ALK: variants seen among roughly 807,000 people sequenced by gnomAD.
ALK encodes ALK tyrosine kinase receptor.
Under a neutral mutation model 163.1 loss-of-function variants are expected in ALK, and 74 were observed. The observed-to-expected ratio is 0.45, with a 90% CI of 0.38 to 0.55. The LOEUF is 0.55. ALK is among the 20% of genes least tolerant of loss of function. The probability of loss-of-function intolerance (pLI) is 0.00; values close to 1 mark genes in which losing one functional copy is unlikely to be tolerated. For synonymous variants in ALK, 960 were observed against 843.2 expected, an observed-to-expected ratio of 1.14 and a Z score of -2.40; for missense variants, 2,063 against 2,105.3, an observed-to-expected ratio of 0.98 and a Z score of 0.39.
chr2:29,863,240 C>T (rs1666341151), intron 1 of ALK, among the ~76,000 whole-genome samples: 1 of 152,010 alleles, frequency 6.6e-6, no homozygotes, highest in Admixed American at 6.6e-5. Context: ...AAAGCATGGG[C>T]AACAAAAGCA....
chr2:29,882,422 G>T (rs1309295719), intron 1 of ALK, among the ~76,000 whole-genome samples: 1 of 152,138 alleles, frequency 6.6e-6, no homozygotes, highest in African/African-American at 2.4e-5. Context: ...CAGGCTGGGC[G>T]CAGTGGCTCA....
intron 2 of ALK, among the ~76,000 whole-genome samples, chr2:29,712,218 C>A (rs1018093780): frequency 6.6e-6 from 1 of 152,206 alleles, no homozygotes; most frequent in South Asian, 2.1e-4. Context: ...TGACTGCCAG[C>A]ATTACTGTCC....
chr2:29,512,929 A>G lies in ALK; in HGVS notation c.1154+18986T>C, dbSNP rs9749914. On this transcript the variant is annotated intron_variant, in intron 4 of 28. Coordinates refer to ENST00000389048, the MANE Select transcript of ALK (RefSeq NM_004304.5). The stretch of plus-strand genomic sequence containing the variant: ...TCAAAGAGAATAAAAATACCTAGGA[A>G]TCCACCTTACAAGGGACGTGAAGGA... Among the ~76,000 whole-genome samples the G allele has an allele frequency of 4.3e-3, 641 of 150,698 alleles. 5 individuals carry two copies. Among genetic ancestry groups the G allele is most frequent in the African/African-American group, 0.015 (594 of 40,448 alleles).
rs535864522 is a variant in ALK, at chr2:29,196,820, C to T, written c.4114G>A (p.Asp1372Asn). The T allele has an allele frequency of 1.2e-6, 2 of 1,614,188 alleles. No homozygotes were observed. The highest frequency in any genetic ancestry group is 4.5e-5 in the East Asian group (2 of 44,888). ...MTQCWQHQPE[D>N]RPNFAIILER... Reference sequence around the variant, plus strand: ...AAAATGATGGCAAAGTTGGGCCTGTCTTCAGGCTGATGTTGCCAGCACTGA... The same window carrying T: ...AAAATGATGGCAAAGTTGGGCCTGTTTTCAGGCTGATGTTGCCAGCACTGA... The change falls in exon 28 of 29, where the codon GAC becomes AAC. Residue 1372 changes from aspartate to asparagine, a missense_variant. By Grantham distance (23) the Asp-to-Asn change is conservative. This residue lies in a region of ALK where 403 missense variants were observed against 366.2 expected (regional missense o/e 1.10). Transcript: ENST00000389048.
At chr2:29,424,100 C>G (rs1160616169) in intron 4 of ALK, among the ~76,000 whole-genome samples, 1 of 151,938 alleles carries the variant, frequency 6.6e-6, no homozygotes, top group Non-Finnish European at 1.5e-5. Context: ...TAATTCTAAG[C>G]AAGAAAGAGA....
At chr2:29,692,255 C>T (rs13386898) in intron 3 of ALK, among the ~76,000 whole-genome samples, 422 of 152,200 alleles carry the variant, frequency 2.8e-3, no homozygotes, top group African/African-American at 9.8e-3. Flanking sequence ...GGGAGGAATA[C>T]CAATATATTA....
At chr2:29,212,520 G>C (rs962610640) in intron 24 of ALK, among the ~76,000 whole-genome samples, 37 of 152,122 alleles carry the variant, frequency 2.4e-4, no homozygotes, top group African/African-American at 8.7e-4. Flanking sequence ...GAAGCTGGAG[G>C]GAGAACTGAA....
intron 2 of ALK, among the ~76,000 whole-genome samples, chr2:29,712,523 C>T (rs1018187530): frequency 4.6e-5 from 7 of 152,224 alleles, no homozygotes; most frequent in South Asian, 4.2e-4. Context: ...TTCAGAAATG[C>T]GATCAAACTG....
intron 4 of ALK, among the ~76,000 whole-genome samples, chr2:29,389,305 T>C (rs1054395866): frequency 6.6e-6 from 1 of 152,124 alleles, no homozygotes; most frequent in East Asian, 1.9e-4. Flanking sequence ...AAGTGATGTC[T>C]CCAAATGGAT....
intron 1 of ALK, among the ~76,000 whole-genome samples, chr2:29,728,238 G>A (rs985630364): frequency 1.3e-5 from 2 of 152,238 alleles, no homozygotes; most frequent in Non-Finnish European, 2.9e-5. Flanking sequence ...AATTTTCTGA[G>A]TGGGGATTAT....
At chr2:29,905,354 A>C (rs1357500174) in intron 1 of ALK, among the ~76,000 whole-genome samples, 1 of 152,256 alleles carries the variant, frequency 6.6e-6, no homozygotes, top group African/African-American at 2.4e-5. Context: ...TTAAGCACAT[A>C]AATAATCTCT....
intron 4 of ALK, among the ~76,000 whole-genome samples, chr2:29,449,390 C>T (rs749435662): frequency 2.0e-5 from 3 of 152,278 alleles, no homozygotes; most frequent in Non-Finnish European, 2.9e-5. Context: ...AAGGTGGTGG[C>T]GTTGATCTTG....
chr2:29,354,968 G>T (rs192203907), intron 5 of ALK, among the ~76,000 whole-genome samples: 1 of 151,946 alleles, frequency 6.6e-6, no homozygotes, highest in South Asian at 2.1e-4. Context: ...GGGTTTCACT[G>T]TGTTAGCCAG....
At chr2:29,539,922 T>A (rs576332393) in intron 3 of ALK, among the ~76,000 whole-genome samples, 1 of 152,302 alleles carries the variant, frequency 6.6e-6, no homozygotes, top group Admixed American at 6.5e-5. Flanking sequence ...TTTACCTGAT[T>A]TCTCCAGAAT....
intron 1 of ALK, among the ~76,000 whole-genome samples, chr2:29,731,145 A>C (rs1679731343): frequency 6.6e-6 from 1 of 152,202 alleles, no homozygotes. Context: ...AAAAGGGGTA[A>C]AACTTGGCTC....
chr2:29,783,942 C>G (rs1340115426), intron 1 of ALK, among the ~76,000 whole-genome samples: 1 of 152,162 alleles, frequency 6.6e-6, no homozygotes, highest in Non-Finnish European at 1.5e-5. Flanking sequence ...CATCAGTTGT[C>G]TCATCTCACA....
intron 1 of ALK, among the ~76,000 whole-genome samples, chr2:29,861,281 A>G (rs1666284336): frequency 6.6e-6 from 1 of 152,240 alleles, no homozygotes; most frequent in Non-Finnish European, 1.5e-5. Flanking sequence ...TAGCAGAAGG[A>G]AGAAAATAAC....
At chr2:29,783,468 AT>A (rs1663899975) in intron 1 of ALK, among the ~76,000 whole-genome samples, 2 of 152,232 alleles carry the variant, frequency 1.3e-5, no homozygotes, top group South Asian at 4.1e-4. Context: ...ACAAAAGCCC[AT>A]TTATTATTGA....
intron 1 of ALK, among the ~76,000 whole-genome samples, chr2:29,718,182 A>G (rs999925182): frequency 6.6e-6 from 1 of 152,216 alleles, no homozygotes. Context: ...AGTTCTTAAC[A>G]ATTATGTTAT....
Sources: allele counts gnomAD v4.1 joint callset (sites outside exome capture counted in the v4.1 genomes callset), GRCh38; gene constraint gnomAD v4.1.1; regional missense constraint gnomAD v4.1.1; transcripts MANE v1.5; gene names NCBI Gene and HGNC (gene_info 2026-07-23, HGNC 2026-07-21).